The following TRDN variants were observed in gnomAD, a reference collection of about 807,000 sequenced individuals.
The protein encoded by TRDN is triadin in skeletal muscle.
A neutral mutation model predicts 149.7 loss-of-function variants in TRDN; 161 were observed. The ratio of observed to expected loss-of-function variants is 1.08; its 90% confidence interval spans 0.95 to 1.23. The LOEUF is 1.23. TRDN is among the 50% of genes most tolerant of loss of function. The probability of loss-of-function intolerance (pLI) is 0.00; values close to 1 mark genes in which losing one functional copy is unlikely to be tolerated. For missense variants in TRDN, 896 were observed against 823.5 expected, an observed-to-expected ratio of 1.09 and a Z score of -1.08; for synonymous variants, 294 against 250.5, an observed-to-expected ratio of 1.17 and a Z score of -1.64.
intron 10 of TRDN, among the ~76,000 whole-genome samples, chr6:123,448,892 C>T (rs1562319362): frequency 6.6e-6 from 1 of 152,288 alleles, no homozygotes; most frequent in East Asian, 1.9e-4. Flanking sequence ...GTTCACATAA[C>T]AGGACTCTGT....
At chr6:123,347,339 T>A (rs1780292260) in intron 21 of TRDN, among the ~76,000 whole-genome samples, 1 of 152,066 alleles carries the variant, frequency 6.6e-6, no homozygotes. Context: ...TTATCTTATC[T>A]CCAGAGACAT....
At chr6:123,446,986 GTAAGAGT>G (rs1775420251) in intron 10 of TRDN, among the ~76,000 whole-genome samples, 1 of 152,014 alleles carries the variant, frequency 6.6e-6, no homozygotes. Flanking sequence ...TAGCAACATG[GTAAGAGT>G]ACCTCCCTTC....
At chr6:123,231,082 C>T (rs1014008044) in intron 38 of TRDN, among the ~76,000 whole-genome samples, 1 of 151,970 alleles carries the variant, frequency 6.6e-6, no homozygotes, top group African/African-American at 2.4e-5. Flanking sequence ...TGAAAGAAGG[C>T]ATGAAGCTAA....
rs1389111034 is a variant in TRDN at position 123,501,014 on chromosome 6, TACAA to T, written c.793+2701_793+2704del. On this transcript the variant is annotated intron_variant, in intron 8 of 40. Coordinates refer to ENST00000334268, the MANE Select transcript of TRDN (RefSeq NM_006073.4). ...CTGACTATGCCAACTCTTCCTACTCTACAAACAGATTTAGATGGGTTCATAAAAA... is the reference window on the plus strand; with the variant it reads ...CTGACTATGCCAACTCTTCCTACTCTACAGATTTAGATGGGTTCATAAAAA... Among the ~76,000 whole-genome samples the T allele has an allele frequency of 2.6e-5, 4 of 152,156 alleles. No homozygotes were observed. The South Asian group carries it at 8.3e-4, about 32-fold the overall frequency.
intron 10 of TRDN, 59 bp from the exon 11 acceptor site, chr6:123,439,062 G>A: frequency 2.2e-6 from 3 of 1,368,858 alleles, no homozygotes; most frequent in South Asian, 2.7e-5. Flanking sequence ...GCAAAACCAA[G>A]GTTGAAATGA....
At chr6:123,574,874 A>ATATG (rs1219893985) in intron 1 of TRDN, among the ~76,000 whole-genome samples, 1 of 126,528 alleles carries the variant, frequency 7.9e-6, no homozygotes, top group African/African-American at 3.5e-5. Flanking sequence ...ATATATATAT[A>ATATG]TATATATATA....
chr6:123,601,371 C>T (rs1288984462), intron 1 of TRDN, among the ~76,000 whole-genome samples: 1 of 152,130 alleles, frequency 6.6e-6, no homozygotes, highest in African/African-American at 2.4e-5. Context: ...GTCATCAACA[C>T]CTTTTGTTCA....
chr6:123,305,435 G>A (rs1375261800), intron 24 of TRDN, among the ~76,000 whole-genome samples: 1 of 151,946 alleles, frequency 6.6e-6, no homozygotes, highest in Admixed American at 6.6e-5. Flanking sequence ...ATTGTTTTAG[G>A]TTCCTCCAAT....
At chr6:123,616,479 A>C (rs915913416) in intron 1 of TRDN, among the ~76,000 whole-genome samples, 3 of 151,804 alleles carry the variant, frequency 2.0e-5, no homozygotes, top group African/African-American at 7.2e-5. Flanking sequence ...AAAATCTTTA[A>C]TTTTACATTT....
At chr6:123,366,083 T>G in intron 20 of TRDN, 52 bp downstream of exon 20, 1 of 1,495,356 alleles carries the variant, frequency 6.7e-7, no homozygotes, top group Non-Finnish European at 9.3e-7. Context: ...GTTAGAAACC[T>G]TAGCAGAAAT....
chr6:123,218,752 A>C lies in TRDN; in HGVS notation c.2051-12T>G. The C allele has an allele frequency of 6.4e-7, 1 of 1,557,230 alleles. No homozygotes were observed. Among genetic ancestry groups the C allele is most frequent in the South Asian group, 1.2e-5 (1 of 85,022 alleles). Reference sequence around the variant, plus strand: ...GAAACTGATGGGACCTAAGGAACAGAGCATGACAGTTTGTTAAAACATGCA... The same window carrying C: ...GAAACTGATGGGACCTAAGGAACAGCGCATGACAGTTTGTTAAAACATGCA... On this transcript the variant is annotated splice_polypyrimidine_tract_variant and intron_variant, in intron 40 of 40. Transcript: ENST00000334268.
At chr6:123,599,883 TG>T (rs1223238999) in intron 1 of TRDN, among the ~76,000 whole-genome samples, 3 of 151,924 alleles carry the variant, frequency 2.0e-5, no homozygotes, top group African/African-American at 7.3e-5. Context: ...CAGGAAGCCA[TG>T]GATATATGCC....
At chr6:123,554,155 CCA>C (rs1322625427) in intron 2 of TRDN, among the ~76,000 whole-genome samples, 4 of 152,030 alleles carry the variant, frequency 2.6e-5, no homozygotes, top group African/African-American at 9.6e-5. Context: ...ATATTCAGAT[CCA>C]AATATTTGGA....
At chr6:123,409,869 T>C (rs1044664901) in intron 12 of TRDN, among the ~76,000 whole-genome samples, 1 of 152,158 alleles carries the variant, frequency 6.6e-6, no homozygotes, top group African/African-American at 2.4e-5. Flanking sequence ...TAACAACTGG[T>C]ATTCAAACAA....
intron 23 of TRDN, among the ~76,000 whole-genome samples, chr6:123,319,236 C>A (rs1394933061): frequency 6.7e-6 from 1 of 150,254 alleles, no homozygotes; most frequent in African/African-American, 2.4e-5. Flanking sequence ...TTTTTTTAAA[C>A]AGAATTGGGA....
intron 2 of TRDN, among the ~76,000 whole-genome samples, chr6:123,567,649 G>T (rs1477952844): frequency 1.3e-5 from 2 of 151,848 alleles, no homozygotes; most frequent in Non-Finnish European, 2.9e-5. Context: ...GGCGGGGGAG[G>T]TGCCACACAC....
At chr6:123,319,602 A>G (rs949440877) in intron 23 of TRDN, among the ~76,000 whole-genome samples, 13 of 152,134 alleles carry the variant, frequency 8.5e-5, no homozygotes, top group African/African-American at 2.9e-4. Flanking sequence ...GAGAGACAGC[A>G]GGCGAGCATT....
intron 24 of TRDN, among the ~76,000 whole-genome samples, chr6:123,290,869 C>G (rs1777986188): frequency 6.6e-6 from 1 of 152,098 alleles, no homozygotes; most frequent in South Asian, 2.1e-4. Flanking sequence ...AGAAAAAGTA[C>G]TTTCTGGCTG....
intron 24 of TRDN, among the ~76,000 whole-genome samples, chr6:123,309,695 T>C (rs1211703081): frequency 1.3e-5 from 2 of 151,836 alleles, no homozygotes; most frequent in African/African-American, 4.8e-5. Context: ...ATAAATACAT[T>C]GAAAATTTTG....
Sources: gnomAD v4.1 joint callset for allele counts (sites outside exome capture counted in the v4.1 genomes callset) on GRCh38, gnomAD v4.1.1 for gene constraint, MANE v1.5 for transcripts, NCBI Gene and HGNC (gene_info 2026-07-23, HGNC 2026-07-21) for gene names.